The following RNMT variants were observed in gnomAD, a reference collection of about 807,000 sequenced individuals.
RNMT encodes the protein mRNA cap guanine-N(7) methyltransferase.
Under a neutral mutation model 56.0 loss-of-function variants are expected in RNMT, and 27 were observed. That is an observed-to-expected ratio of 0.48 (90% CI 0.36 to 0.67). The LOEUF (loss-of-function observed/expected upper bound fraction) is 0.67. Ranked by LOEUF, RNMT falls within the 30% of genes least tolerant of loss-of-function variation. RNMT has a pLI of 0.00. For synonymous variants in RNMT, 184 were observed against 176.2 expected (o/e 1.04, Z -0.35); for missense variants, 519 against 552.1 (o/e 0.94, Z 0.60).
chr18:13,749,887 G>A (rs1231706598), intron 9 of RNMT, among the ~76,000 whole-genome samples: 1 of 147,530 alleles, frequency 6.8e-6, no homozygotes, highest in African/African-American at 2.5e-5. Context: ...CCCCTTCTGA[G>A]TAGCTGGGAC....
At chr18:13,729,727 C>T (rs139357969) in intron 1 of RNMT, among the ~76,000 whole-genome samples, 3 of 151,592 alleles carry the variant, frequency 2.0e-5, no homozygotes, top group Non-Finnish European at 4.4e-5. Context: ...AACTTGATTT[C>T]TTATTCTTTT....
At chr18:13,758,026 T>C (rs376141190) in intron 11 of RNMT, among the ~76,000 whole-genome samples, 16 of 152,298 alleles carry the variant, frequency 1.1e-4, no homozygotes, top group African/African-American at 3.4e-4. Context: ...AGCGGTAATA[T>C]TTTGAAAAGA....
Position 13,742,647 on chromosome 18 carries a change from A to C in RNMT, c.1134A>C (p.Leu378=). Residue 378 remains leucine (L), a synonymous_variant, in exon 8 of 12, where the codon CTA becomes CTC. Transcript: ENST00000383314. ...VPEFLVYFPL[L]NEMAKKYNMK... ...AATTCTTGGTCTATTTTCCATTGCT[A>C]AATGAGTAAGAAGTCATTAATCTGT... is the stretch of plus-strand genomic sequence containing the variant. 1.2e-6 allele frequency: 2 copies of C among 1,610,958 alleles called. No homozygotes were observed. Among genetic ancestry groups the C allele is most frequent in the Non-Finnish European group, 1.7e-6 (2 of 1,178,264 alleles).
At chr18:13,749,603 CAA>C (rs1160339953) in intron 9 of RNMT, among the ~76,000 whole-genome samples, 4 of 151,902 alleles carry the variant, frequency 2.6e-5, no homozygotes, top group Non-Finnish European at 5.9e-5. Flanking sequence ...TGCAATAAGA[CAA>C]AGAATTATAA....
chr18:13,754,740 T>G (rs950396855), intron 11 of RNMT, among the ~76,000 whole-genome samples: 1 of 152,236 alleles, frequency 6.6e-6, no homozygotes, highest in Non-Finnish European at 1.5e-5. Context: ...TTGAAGTGTT[T>G]ACCTCAGATT....
At position 13,742,577 on chromosome 18, in the gene RNMT, G is replaced by A; in HGVS notation, c.1064G>A (p.Gly355Asp). 6.2e-7 allele frequency: 1 copy of A among 1,613,210 alleles called. No individual in the cohort carries two copies. Among genetic ancestry groups the A allele is most frequent in the South Asian group, 1.1e-5 (1 of 91,024 alleles). ...AAGAAAGGAGATTATCCTTTATTTGGCTGCAAATATGACTTCAACTTGGAA... is the reference window on the plus strand; with the variant it reads ...AAGAAAGGAGATTATCCTTTATTTGACTGCAAATATGACTTCAACTTGGAA... ...FQKKGDYPLFGCKYDFNLEGV... is the reference protein window; with the variant it reads ...FQKKGDYPLFDCKYDFNLEGV... The change falls in exon 8 of 12, where the codon GGC (glycine) becomes GAC (aspartate). Residue 355 changes from glycine (G) to aspartate (D), a missense_variant. Gly to Asp is a moderately conservative substitution (Grantham distance 94, BLOSUM62 -1). Transcript: ENST00000383314.
chr18:13,760,329 A>G lies in RNMT; in HGVS notation c.*350A>G. The G allele has an allele frequency of 7.8e-6, 8 of 1,022,566 alleles. No homozygotes were observed. The highest frequency in any genetic ancestry group is 9.4e-6 in the Non-Finnish European group (8 of 853,398). The allele number at this position is 1,022,566 out of a possible 1,614,324, so 63.3% of individuals were successfully genotyped here. The stretch of plus-strand genomic sequence containing the variant: ...GATTTGTCCTGTGTGTGTTTACAGT[A>G]TTCAATTTATTGCAGTTATAGAATT... On this transcript the variant is annotated 3_prime_UTR_variant, in exon 12 of 12. Transcript: ENST00000383314.
In RNMT at chr18:13,732,229, A is replaced by G. The variant is rs572231545; in HGVS notation, c.417+295A>G. ...TTTTTTTTCCGAGACAGAGTCTTGC[A>G]CTGTCGCCCAGGCTGGAGTGTGATG... On this transcript the variant is annotated intron_variant, in intron 3 of 11. Transcript: ENST00000383314. Among the ~76,000 whole-genome samples the G allele has an allele frequency of 1.2e-4, 18 of 152,200 alleles. No homozygotes were observed. The East Asian group carries it at 2.3e-3, about 20-fold the overall frequency.
chr18:13,729,147 A>G (rs905133943), intron 1 of RNMT, among the ~76,000 whole-genome samples: 2 of 152,188 alleles, frequency 1.3e-5, no homozygotes, highest in African/African-American at 2.4e-5. Flanking sequence ...ATTTTTGCAT[A>G]TGGTGAGAGA....
chr18:13,736,070 T>C (rs1001055535), intron 4 of RNMT, among the ~76,000 whole-genome samples: 1 of 152,244 alleles, frequency 6.6e-6, no homozygotes, highest in Admixed American at 6.5e-5. Context: ...AGTCTTACTG[T>C]ATATAAATGC....
At chr18:13,750,440 T>TG (rs1332253258) in intron 9 of RNMT, among the ~76,000 whole-genome samples, 1 of 152,144 alleles carries the variant, frequency 6.6e-6, no homozygotes, top group Non-Finnish European at 1.5e-5. Context: ...TGCTGCTAAA[T>TG]GGTTCTTGGT....
intron 11 of RNMT, among the ~76,000 whole-genome samples, chr18:13,755,718 G>A (rs1219871845): frequency 6.6e-6 from 1 of 152,196 alleles, no homozygotes; most frequent in Non-Finnish European, 1.5e-5. Context: ...GTGAGCATGT[G>A]CATAAACTAT....
At chr18:13,749,857 C>T (rs1045215578) in intron 9 of RNMT, among the ~76,000 whole-genome samples, 1 of 148,102 alleles carries the variant, frequency 6.8e-6, no homozygotes, top group African/African-American at 2.5e-5. Flanking sequence ...TAAACCCGGC[C>T]TAAGTGATCC....
intron 2 of RNMT, 29 bp from the exon 3 acceptor site, chr18:13,731,446 CA>C: frequency 8.2e-7 from 1 of 1,213,606 alleles, no homozygotes; most frequent in Non-Finnish European, 1.2e-6. Flanking sequence ...TTAGTGTTTA[CA>C]AGTAATACCA....
At position 13,762,370 on chromosome 18, in the gene RNMT, C is replaced by CT; in HGVS notation, c.*2391_*2392insT. ...AGTTTTTAACCACTTCTGTGGGAGC[C>CT]GTGTTCTAACCTGTGGAAAGTATTG... is the stretch of plus-strand genomic sequence containing the variant. On this transcript the variant is annotated 3_prime_UTR_variant, in exon 12 of 12. Transcript: ENST00000383314. The CT allele has an allele frequency of 1.8e-6, 1 of 553,186 alleles. No homozygotes were observed. The highest frequency in any genetic ancestry group is 3.2e-6 in the Non-Finnish European group (1 of 313,374). 34.3% of individuals were successfully genotyped at this position (553,186 alleles called of 1,614,324 possible).
chr18:13,726,849 G>A (rs2043962691), intron 1 of RNMT, 120 bp downstream of exon 1: 1 of 152,330 alleles, frequency 6.6e-6, no homozygotes, highest in Admixed American at 6.5e-5. Context: ...TTAGCCCTGT[G>A]CTTCACTACC....
intron 1 of RNMT, among the ~76,000 whole-genome samples, chr18:13,727,228 T>C (rs1045581372): frequency 6.6e-6 from 1 of 152,230 alleles, no homozygotes; most frequent in Non-Finnish European, 1.5e-5. Flanking sequence ...CCGGCGGCCC[T>C]GGCGGCCTGC....
chr18:13,737,675 T>G (rs2149088576), intron 5 of RNMT, among the ~76,000 whole-genome samples: 2 of 152,120 alleles, frequency 1.3e-5, no homozygotes, highest in South Asian at 4.2e-4. Context: ...AGGGCAGACT[T>G]GAAAAGGTTT....
intron 11 of RNMT, among the ~76,000 whole-genome samples, chr18:13,757,825 C>T (rs1457384895): frequency 6.6e-6 from 1 of 152,188 alleles, no homozygotes; most frequent in Non-Finnish European, 1.5e-5. Context: ...CCAGATCCAT[C>T]AGAGGAATCA....
Sources: gnomAD v4.1 joint callset for allele counts (sites outside exome capture counted in the v4.1 genomes callset) on GRCh38, gnomAD v4.1.1 for gene constraint, MANE v1.5 for transcripts, NCBI Gene and HGNC (gene_info 2026-07-23, HGNC 2026-07-21) for gene names.